SLCO5A1: variants seen among roughly 807,000 people sequenced by gnomAD.
SLCO5A1 encodes the protein organic anion transporter polypeptide-related protein 4.
Under a neutral mutation model 65.1 loss-of-function variants are expected in SLCO5A1, and 39 were observed. That is an observed-to-expected ratio of 0.60 (90% CI 0.46 to 0.78). The LOEUF (loss-of-function observed/expected upper bound fraction) is 0.78, where lower values mean the gene tolerates loss of function less well. SLCO5A1 is among the 30% of genes least tolerant of loss of function. SLCO5A1 has a pLI of 0.00. For synonymous variants in SLCO5A1, 438 were observed against 415.7 expected (o/e 1.05, Z -0.65); for missense variants, 1,029 against 1,069.4 (o/e 0.96, Z 0.53).
intron 4 of SLCO5A1, among the ~76,000 whole-genome samples, chr8:69,742,009 A>G (rs148821440): frequency 6.6e-6 from 1 of 152,326 alleles, no homozygotes; most frequent in Non-Finnish European, 1.5e-5. Flanking sequence ...GCACCAGATC[A>G]ATGTGAATTG....
chr8:69,778,097 G>C (rs572653915), intron 2 of SLCO5A1, among the ~76,000 whole-genome samples: 1 of 152,126 alleles, frequency 6.6e-6, no homozygotes, highest in East Asian at 1.9e-4. Flanking sequence ...CTTTGTTATA[G>C]GTATGTATAC....
intron 2 of SLCO5A1, among the ~76,000 whole-genome samples, chr8:69,781,299 G>A (rs1001344478): frequency 7.9e-5 from 12 of 152,344 alleles, no homozygotes; most frequent in African/African-American, 2.9e-4. Flanking sequence ...GCAGTCATTG[G>A]CATCACCATG....
At chr8:69,708,560 CAA>C (rs55950736) in intron 5 of SLCO5A1, among the ~76,000 whole-genome samples, 57,331 of 144,304 alleles carry the variant, frequency 0.4, 11,105 homozygotes, top group South Asian at 0.56. Flanking sequence ...GACACTGTTT[CAA>C]AAAAAAAAAA....
intron 8 of SLCO5A1, among the ~76,000 whole-genome samples, chr8:69,678,338 T>G (rs1231114610): frequency 5.3e-5 from 8 of 152,090 alleles, no homozygotes; most frequent in African/African-American, 1.7e-4. Context: ...TCCCCAAACC[T>G]CCGTGATTTA....
intron 2 of SLCO5A1, among the ~76,000 whole-genome samples, chr8:69,782,572 C>G (rs1818841323): frequency 2.1e-5 from 3 of 145,214 alleles, no homozygotes; most frequent in Admixed American, 1.4e-4. Context: ...AGAGCAAGAC[C>G]CTGTCTCAAA....
intron 6 of SLCO5A1, among the ~76,000 whole-genome samples, chr8:69,688,254 C>A (rs1160675097): frequency 6.6e-6 from 1 of 152,100 alleles, no homozygotes; most frequent in Non-Finnish European, 1.5e-5. Context: ...TTTAAGCAAA[C>A]TTCTTTCCCC....
At chr8:69,772,618 G>C (rs894912963) in intron 2 of SLCO5A1, among the ~76,000 whole-genome samples, 1 of 148,406 alleles carries the variant, frequency 6.7e-6, no homozygotes, top group African/African-American at 2.5e-5. Flanking sequence ...GGAAAGGAAA[G>C]GAAAGGAAAG....
intron 5 of SLCO5A1, chr8:69,719,754 G>A (rs976224868): frequency 1.3e-5 from 2 of 152,186 alleles, no homozygotes; most frequent in Non-Finnish European, 2.9e-5. Context: ...TGCAAACCAA[G>A]TTTTCCCAGA....
At chr8:69,723,172 TG>T (rs1232287030) in intron 5 of SLCO5A1, among the ~76,000 whole-genome samples, 1 of 152,246 alleles carries the variant, frequency 6.6e-6, no homozygotes, top group African/African-American at 2.4e-5. Flanking sequence ...TTTTTTATTC[TG>T]TCTATAAGGT....
chr8:69,690,135 T>C (rs1206697699), intron 6 of SLCO5A1, among the ~76,000 whole-genome samples: 1 of 152,176 alleles, frequency 6.6e-6, no homozygotes, highest in African/African-American at 2.4e-5. Context: ...CTCAACAGGG[T>C]CTTCTTTCCC....
At chr8:69,713,294 C>A (rs1323493164) in intron 5 of SLCO5A1, 1 of 152,208 alleles carries the variant, frequency 6.6e-6, no homozygotes, top group East Asian at 1.9e-4. Context: ...AAATGGCTTG[C>A]AAACATGAGA....
chr8:69,732,276 G>A (rs1816369602), intron 5 of SLCO5A1, among the ~76,000 whole-genome samples: 1 of 152,106 alleles, frequency 6.6e-6, no homozygotes, highest in African/African-American at 2.4e-5. Context: ...GCAGAAGTAA[G>A]TATCTCAATT....
chr8:69,775,018 A>AT (rs920872037), intron 2 of SLCO5A1, among the ~76,000 whole-genome samples: 16 of 150,730 alleles, frequency 1.1e-4, no homozygotes, highest in East Asian at 7.8e-4. Context: ...TTGTGCAGCA[A>AT]TTTTTTTTTT....
chr8:69,824,237 A>C (rs1472905837), intron 2 of SLCO5A1, among the ~76,000 whole-genome samples: 4 of 152,104 alleles, frequency 2.6e-5, no homozygotes, highest in African/African-American at 4.8e-5. Flanking sequence ...AAGAGCAAAC[A>C]CATTCAAAAG....
chr8:69,815,685 C>CACACACAAA (rs1554529390), intron 2 of SLCO5A1, among the ~76,000 whole-genome samples: 1 of 147,086 alleles, frequency 6.8e-6, no homozygotes, highest in African/African-American at 2.6e-5. Context: ...CACACACACA[C>CACACACAAA]ACACAAAATT....
intron 2 of SLCO5A1, among the ~76,000 whole-genome samples, chr8:69,781,351 C>T (rs1818785045): frequency 6.6e-6 from 1 of 152,222 alleles, no homozygotes; most frequent in Non-Finnish European, 1.5e-5. Flanking sequence ...GATATAAACC[C>T]TTTAGGACAC....
intron 2 of SLCO5A1, among the ~76,000 whole-genome samples, chr8:69,784,877 A>G: frequency 7.2e-6 from 1 of 138,662 alleles, no homozygotes; most frequent in African/African-American, 2.7e-5. Context: ...AGGAAGGAGA[A>G]AGAAAGAAAG....
Position 69,667,263 on chromosome 8 carries a change from C to A in SLCO5A1, c.*5606G>T, listed in dbSNP as rs1813208765. ...CTTTATGCAACAGTGCAAAACCTTT[C>A]ATCACAAACATACCTCTACACAAAA... On this transcript the variant is annotated 3_prime_UTR_variant, in exon 10 of 10. Transcript: ENST00000260126. The A allele has an allele frequency of 6.6e-6, 1 of 151,844 alleles. No individual in the cohort carries two copies. Among genetic ancestry groups the A allele is most frequent in the South Asian group, 2.1e-4 (1 of 4,804 alleles). The allele number at this position is 151,844 out of a possible 1,614,324, so 9.4% of individuals were successfully genotyped here. A position where few individuals can be genotyped will look rare whatever the true frequency, so the allele number is the denominator to read the frequency against.
chr8:69,767,907 A>AG (rs1563712245), intron 2 of SLCO5A1, among the ~76,000 whole-genome samples: 1 of 139,292 alleles, frequency 7.2e-6, no homozygotes, highest in Non-Finnish European at 1.5e-5. Flanking sequence ...AAAAAAAAAA[A>AG]AAAACAAAAA....
Sources: allele counts gnomAD v4.1 joint callset (sites outside exome capture counted in the v4.1 genomes callset), GRCh38; gene constraint gnomAD v4.1.1; transcripts MANE v1.5; gene names NCBI Gene and HGNC (gene_info 2026-07-23, HGNC 2026-07-21).